TENT4B: variants seen among roughly 807,000 people sequenced by gnomAD.
The protein encoded by TENT4B is PAP associated domain containing 5.
A neutral mutation model predicts 75.0 loss-of-function variants in TENT4B; 10 were observed. The ratio of observed to expected loss-of-function variants is 0.13; its 90% CI spans 0.08 to 0.23. The LOEUF (loss-of-function observed/expected upper bound fraction) is 0.23. TENT4B is among the 10% of genes least tolerant of loss of function. The pLI, the probability that TENT4B is intolerant of heterozygous loss-of-function variation, is 1.00. For missense variants in TENT4B, 579 were observed against 893.8 expected (o/e 0.65, Z 4.49); for synonymous variants, 350 against 357.7 (o/e 0.98, Z 0.24).
chr16:50,210,425 C>T lies in TENT4B; in HGVS notation c.639-898C>T, dbSNP rs560236535. On this transcript the variant is annotated intron_variant, in intron 1 of 11. Transcript: ENST00000561678. Reference sequence around the variant, plus strand: ...ATGATAGTCAGGCGCTGCGCCTATCCGCAGGGTGTGGGTATGTGTGTGTCT... The same window carrying T: ...ATGATAGTCAGGCGCTGCGCCTATCTGCAGGGTGTGGGTATGTGTGTGTCT... 7.9e-5 allele frequency among the ~76,000 whole-genome samples: 12 copies of T among 152,314 alleles called. No homozygotes were observed. The South Asian group carries it at 8.3e-4, about 11-fold the overall frequency.
chr16:50,224,599 CATTTAGT>C (rs2031966008), intron 7 of TENT4B, 51 bp from the exon 8 acceptor site: 3 of 1,601,896 alleles, frequency 1.9e-6, no homozygotes, highest in Non-Finnish European at 2.6e-6. Context: ...GAGTCATCAA[CATTTAGT>C]GCATATTAAG....
chr16:50,197,552 G>A (rs2030352623), intron 1 of TENT4B, among the ~76,000 whole-genome samples: 2 of 152,204 alleles, frequency 1.3e-5, no homozygotes, highest in Non-Finnish European at 2.9e-5. Context: ...GCCTCTGAAA[G>A]TGCTGGGATT....
chr16:50,224,685 G>A lies in TENT4B; in HGVS notation c.1410G>A (p.Gly470=), dbSNP rs1596753270. The A allele has an allele frequency of 6.2e-7, 1 of 1,613,934 alleles. No homozygotes were observed. Among genetic ancestry groups the A allele is most frequent in the Non-Finnish European group, 8.5e-7 (1 of 1,179,888 alleles). ...PGNDVGRSSY[G]AMQVKQAFDY... The stretch of plus-strand genomic sequence containing the variant: ...ACGATGTTGGAAGGAGTTCATATGG[G>A]GCCATGCAAGTGAAGCAGGCCTTTG... Residue 470 remains glycine (G), a synonymous_variant, in exon 8 of 12, where the codon GGG becomes GGA. Coordinates refer to ENST00000561678, the MANE Select transcript of TENT4B (RefSeq NM_001365324.3).
intron 1 of TENT4B, among the ~76,000 whole-genome samples, chr16:50,167,215 T>G (rs1006051279): frequency 6.6e-6 from 1 of 152,122 alleles, no homozygotes. Flanking sequence ...GCTGATGAGC[T>G]AAAAAAAGAA....
At chr16:50,222,648 A>G (rs759144718) in intron 6 of TENT4B, among the ~76,000 whole-genome samples, 8 of 152,222 alleles carry the variant, frequency 5.3e-5, no homozygotes, top group Non-Finnish European at 4.4e-5. Flanking sequence ...TTTAAATCCC[A>G]TACATTCTAG....
In TENT4B at chr16:50,233,701, TG is replaced by T; in HGVS notation, c.*4374del. On this transcript the variant is annotated 3_prime_UTR_variant, in exon 12 of 12. Transcript: ENST00000561678. ...AGGTTTTTGGTTTTTTTAAAAAAAATGTGTTTGGCCTTTACATTTTCTACTT... is the reference window on the plus strand; with the variant it reads ...AGGTTTTTGGTTTTTTTAAAAAAAATTGTTTGGCCTTTACATTTTCTACTT... The T allele has an allele frequency of 1.0e-6, 1 of 971,674 alleles. No homozygotes were observed. Among genetic ancestry groups the T allele is most frequent in the Non-Finnish European group, 1.2e-6 (1 of 817,944 alleles). 60.2% of individuals were successfully genotyped at this position (971,674 alleles called of 1,614,324 possible).
chr16:50,227,763 A>G, intron 10 of TENT4B, 76 bp from the exon 11 acceptor site: 1 of 1,535,546 alleles, frequency 6.5e-7, no homozygotes, highest in Non-Finnish European at 8.9e-7. Context: ...ACTTTAACCA[A>G]AATTGTTTTT....
At chr16:50,215,189 ATTGT>A (rs984134312) in intron 3 of TENT4B, among the ~76,000 whole-genome samples, 1 of 152,208 alleles carries the variant, frequency 6.6e-6, no homozygotes, top group African/African-American at 2.4e-5. Flanking sequence ...AAGAATTGAA[ATTGT>A]TTGAACATTC....
intron 1 of TENT4B, among the ~76,000 whole-genome samples, chr16:50,170,271 G>A (rs1277196960): frequency 2.6e-5 from 4 of 151,438 alleles, no homozygotes; most frequent in African/African-American, 2.4e-5. Context: ...TGCCTGCCTC[G>A]GTCTCCCAAA....
chr16:50,186,425 T>C (rs1251942111), intron 1 of TENT4B, among the ~76,000 whole-genome samples: 1 of 152,196 alleles, frequency 6.6e-6, no homozygotes, highest in African/African-American at 2.4e-5. Context: ...ACTTTAATGT[T>C]TTTAGAGATA....
rs545897767 is a variant in TENT4B at position 50,234,175 on chromosome 16, C to T, written c.*4847C>T. The T allele has an allele frequency of 1.9e-5, 19 of 985,426 alleles. No individual in the cohort carries two copies. The highest frequency in any genetic ancestry group is 9.4e-5 in the South Asian group (2 of 21,284). 61.0% of individuals were successfully genotyped at this position (985,426 alleles called of 1,614,324 possible). The stretch of plus-strand genomic sequence containing the variant: ...TATGAAGTAAACAAGTTGCTCAGGC[C>T]GGGCATGGTGGCTCACGCCTGTAAT... On this transcript the variant is annotated 3_prime_UTR_variant, in exon 12 of 12. Coordinates refer to ENST00000561678, the MANE Select transcript of TENT4B (RefSeq NM_001365324.3).
At chr16:50,222,753 T>C (rs896432979) in intron 6 of TENT4B, among the ~76,000 whole-genome samples, 2 of 152,244 alleles carry the variant, frequency 1.3e-5, no homozygotes, top group African/African-American at 4.8e-5. Context: ...AATAAGAATG[T>C]CTTCTAAGCA....
Position 50,234,584 on chromosome 16 carries a change from CTAATTT to C in TENT4B, c.*5260_*5265del. ...TTGTTTTGTCCCTGAACTTAATCTCCTAATTTTAAGATCCTCTCTGATTTTTGCATA... is the reference window on the plus strand; with the variant it reads ...TTGTTTTGTCCCTGAACTTAATCTCCTAAGATCCTCTCTGATTTTTGCATA... On this transcript the variant is annotated 3_prime_UTR_variant, in exon 12 of 12. Transcript: ENST00000561678. 1 of 983,326 alleles carries C rather than the reference CTAATTT, an allele frequency of 1.0e-6. No individual in the cohort carries two copies. Among genetic ancestry groups the C allele is most frequent in the Non-Finnish European group, 1.2e-6 (1 of 828,068 alleles). 60.9% of individuals were successfully genotyped at this position (983,326 alleles called of 1,614,324 possible).
At position 50,194,522 on chromosome 16, in the gene TENT4B, C is replaced by A. The variant is rs140360867; in HGVS notation, c.639-16801C>A. Among the ~76,000 whole-genome samples the A allele has an allele frequency of 1.4e-3, 205 of 150,602 alleles. 1 individual carries two copies. The highest frequency in any genetic ancestry group is 4.6e-3 in the African/African-American group (191 of 41,094). On this transcript the variant is annotated intron_variant, in intron 1 of 11. Transcript: ENST00000561678. ...GAGCCACCATGCCTGGCCATTATTTCTTTCTTTCTTTCTTTTTCTTTTTTT... is the reference window on the plus strand; with the variant it reads ...GAGCCACCATGCCTGGCCATTATTTATTTCTTTCTTTCTTTTTCTTTTTTT...
chr16:50,222,182 G>A (rs2031860687), intron 5 of TENT4B, 124 bp from the exon 6 acceptor site: 1 of 872,036 alleles, frequency 1.1e-6, no homozygotes, highest in African/African-American at 1.7e-5. Flanking sequence ...TCTTAAAATA[G>A]AAAATTAAGT....
At chr16:50,227,181 T>C (rs2032095315) in intron 10 of TENT4B, among the ~76,000 whole-genome samples, 1 of 152,202 alleles carries the variant, frequency 6.6e-6, no homozygotes, top group African/African-American at 2.4e-5. Flanking sequence ...AATCTCCCTG[T>C]GTGCTTTTTT....
At chr16:50,227,572 CAAAT>C (rs750892033) in intron 10 of TENT4B, among the ~76,000 whole-genome samples, 1 of 152,120 alleles carries the variant, frequency 6.6e-6, no homozygotes, top group Non-Finnish European at 1.5e-5. Context: ...AATAAAAAAA[CAAAT>C]AAACTTAGAC....
In TENT4B at chr16:50,230,931, A is replaced by ACTT; in HGVS notation, c.*1603_*1604insCTT. On this transcript the variant is annotated 3_prime_UTR_variant, in exon 12 of 12. Transcript: ENST00000561678. ...GAGATTCTTTTATATATATATACAT[A>ACTT]TAAAGTACTATTGGCTTTTAGGAGT... The ACTT allele has an allele frequency of 1.0e-6, 1 of 979,902 alleles. No individual in the cohort carries two copies. The highest frequency in any genetic ancestry group is 4.7e-5 in the South Asian group (1 of 21,192). The allele number at this position is 979,902 out of a possible 1,614,324, so 60.7% of individuals were successfully genotyped here.
intron 1 of TENT4B, among the ~76,000 whole-genome samples, chr16:50,174,452 ATTAATAC>A (rs2038264923): frequency 6.6e-6 from 1 of 152,200 alleles, no homozygotes; most frequent in South Asian, 2.1e-4. Flanking sequence ...TTCTTTTAAA[ATTAATAC>A]TTAATAAAAT....
Sources: allele counts gnomAD v4.1 joint callset (sites outside exome capture counted in the v4.1 genomes callset), GRCh38; gene constraint gnomAD v4.1.1; transcripts MANE v1.5; gene names NCBI Gene and HGNC (gene_info 2026-07-23, HGNC 2026-07-21).